The following PSMA5 variants were observed in gnomAD, a reference collection of about 807,000 sequenced individuals.
PSMA5 encodes proteasome 20S subunit alpha 5, also known as proteasome subunit alpha type-5.
A neutral mutation model predicts 34.5 loss-of-function variants in PSMA5; 3 were observed. The ratio of observed to expected loss-of-function variants is 0.09; its 90% confidence interval spans 0.04 to 0.22. The LOEUF (loss-of-function observed/expected upper bound fraction) is 0.22. PSMA5 is among the 10% of genes least tolerant of loss of function. The pLI, the probability that PSMA5 is intolerant of heterozygous loss-of-function variation, is 1.00. For synonymous variants in PSMA5, 88 were observed against 95.8 expected (o/e 0.92, Z 0.47); for missense variants, 120 against 286.1 (o/e 0.42, Z 4.19).
At chr1:109,417,510 G>A (rs777688817) in intron 2 of PSMA5, among the ~76,000 whole-genome samples, 8 of 152,176 alleles carry the variant, frequency 5.3e-5, no homozygotes, top group Non-Finnish European at 1.0e-4. Context: ...CTAGACGACT[G>A]CACCTCCCCC....
At chr1:109,416,973 C>G (rs952306850) in intron 2 of PSMA5, among the ~76,000 whole-genome samples, 3 of 152,072 alleles carry the variant, frequency 2.0e-5, no homozygotes, top group African/African-American at 7.2e-5. Flanking sequence ...GGCTTGGTGG[C>G]GTATGCCTGT....
intron 2 of PSMA5, among the ~76,000 whole-genome samples, chr1:109,419,084 C>T (rs1167151553): frequency 4.6e-5 from 7 of 152,024 alleles, no homozygotes; most frequent in South Asian, 4.2e-4. Context: ...ACACGGGAGG[C>T]GGAGGTTGCA....
intron 4 of PSMA5, chr1:109,412,856 G>A: frequency 2.1e-6 from 1 of 475,418 alleles, no homozygotes; most frequent in Non-Finnish European, 3.7e-6. Context: ...GACACTGTCA[G>A]CACTACTGAC....
At chr1:109,404,582 A>G (rs1479181644) in intron 8 of PSMA5, among the ~76,000 whole-genome samples, 1 of 152,202 alleles carries the variant, frequency 6.6e-6, no homozygotes, top group Admixed American at 6.5e-5. Context: ...TGAGCCAAGG[A>G]CTGCCTTCAG....
chr1:109,408,553 A>G (rs77466621), intron 8 of PSMA5, among the ~76,000 whole-genome samples: 4,091 of 152,332 alleles, frequency 0.027, 180 homozygotes, highest in African/African-American at 0.093. Flanking sequence ...GGCATCTAGC[A>G]TAATACCTGC....
At chr1:109,411,237 G>C (rs940548483) in intron 6 of PSMA5, 124 bp from the exon 7 acceptor site, 1 of 639,932 alleles carries the variant, frequency 1.6e-6, no homozygotes, top group East Asian at 2.8e-5. Flanking sequence ...CTGAAATATT[G>C]AGGCACAGAT....
chr1:109,417,733 T>C (rs1654273517), intron 2 of PSMA5, among the ~76,000 whole-genome samples: 1 of 152,162 alleles, frequency 6.6e-6, no homozygotes, highest in Admixed American at 6.5e-5. Flanking sequence ...CGGAATGAAA[T>C]GAGAAGAGGC....
chr1:109,418,208 T>C (rs1654293128), intron 2 of PSMA5, among the ~76,000 whole-genome samples: 1 of 152,154 alleles, frequency 6.6e-6, no homozygotes, highest in Non-Finnish European at 1.5e-5. Flanking sequence ...AGTGACATTC[T>C]GTCTCAAAAG....
chr1:109,400,234 G>C lies in PSMA5; in HGVS notation c.*1779C>G, dbSNP rs1338376556. The C allele has an allele frequency of 4.6e-5, 7 of 152,192 alleles. No homozygotes were observed. Among genetic ancestry groups the C allele is most frequent in the Non-Finnish European group, 1.0e-4 (7 of 68,044 alleles). 9.4% of individuals were successfully genotyped at this position (152,192 alleles called of 1,614,324 possible). ...TTGGGCATTTTTCCCCCTATGAAAT[G>C]CATGTGATTCAGAGACACAACTCAC... is the stretch of plus-strand genomic sequence containing the variant. On this transcript the variant is annotated 3_prime_UTR_variant, in exon 9 of 9. Coordinates refer to ENST00000271308, the MANE Select transcript of PSMA5 (RefSeq NM_002790.4).
Position 109,412,198 on chromosome 1 carries a change from A to C in PSMA5, c.292-14T>G. ...GAACCAGTGGTTCTAGAAGAAGAGCAAAGCATGGTACAACCTTCTAATAAG... is the reference window on the plus strand; with the variant it reads ...GAACCAGTGGTTCTAGAAGAAGAGCCAAGCATGGTACAACCTTCTAATAAG... On this transcript the variant is annotated splice_polypyrimidine_tract_variant and intron_variant, in intron 4 of 8. Transcript: ENST00000271308. 6.3e-7 allele frequency: 1 copy of C among 1,596,260 alleles called. No homozygotes were observed. Among genetic ancestry groups the C allele is most frequent in the Non-Finnish European group, 8.6e-7 (1 of 1,163,716 alleles).
Position 109,413,148 on chromosome 1 carries a change from A to C in PSMA5, c.224-13T>G. 1.2e-6 allele frequency: 2 copies of C among 1,612,656 alleles called. No individual in the cohort carries two copies. Among genetic ancestry groups the C allele is most frequent in the Non-Finnish European group, 1.7e-6 (2 of 1,178,750 alleles). Reference sequence around the variant, plus strand: ...CTCATGGCACAACCTGCAATGTAAAAGCGACAGTGACCCAGTGGCCAAATC... The same window carrying C: ...CTCATGGCACAACCTGCAATGTAAACGCGACAGTGACCCAGTGGCCAAATC... On this transcript the variant is annotated splice_polypyrimidine_tract_variant and intron_variant, in intron 3 of 8. Transcript: ENST00000271308.
chr1:109,425,620 CAG>C (rs1345214112), intron 1 of PSMA5: 1 of 152,160 alleles, frequency 6.6e-6, no homozygotes, highest in East Asian at 1.9e-4. Flanking sequence ...CTGACGAAAA[CAG>C]AAACTGAAAG....
rs149918181 is a variant in PSMA5, at chr1:109,423,193, C to T, written c.30-1267G>A. 9.1e-3 allele frequency among the ~76,000 whole-genome samples: 1,383 copies of T among 152,234 alleles called. 28 individuals carry two copies. The highest frequency in any genetic ancestry group is 0.032 in the African/African-American group (1,320 of 41,506). On this transcript the variant is annotated intron_variant, in intron 1 of 8. Coordinates refer to ENST00000271308, the MANE Select transcript of PSMA5 (RefSeq NM_002790.4). Reference sequence around the variant, plus strand: ...GTGGCTCACGCCTGTAATCCCAGCACGTTGGGAGGATGAGGCAGGCGGATC... The same window carrying T: ...GTGGCTCACGCCTGTAATCCCAGCATGTTGGGAGGATGAGGCAGGCGGATC...
intron 3 of PSMA5, among the ~76,000 whole-genome samples, chr1:109,414,175 G>A (rs1014229256): frequency 2.0e-4 from 31 of 152,250 alleles, no homozygotes; most frequent in Non-Finnish European, 3.8e-4. Flanking sequence ...CACCACGATG[G>A]CTTCAGTCAT....
chr1:109,407,973 T>G (rs762349231), intron 8 of PSMA5, among the ~76,000 whole-genome samples: 16 of 152,126 alleles, frequency 1.1e-4, no homozygotes, highest in Non-Finnish European at 1.9e-4. Context: ...CTCTTCCCTG[T>G]CTTCTCATAA....
At chr1:109,405,481 G>A (rs1031777171) in intron 8 of PSMA5, among the ~76,000 whole-genome samples, 5 of 120,152 alleles carry the variant, frequency 4.2e-5, no homozygotes, top group Admixed American at 2.3e-4. Flanking sequence ...ACAGAGTCTC[G>A]CTCTGGAGTG....
At chr1:109,407,957 C>T (rs974201099) in intron 8 of PSMA5, among the ~76,000 whole-genome samples, 1 of 152,060 alleles carries the variant, frequency 6.6e-6, no homozygotes, top group Non-Finnish European at 1.5e-5. Context: ...CCCAGCAATC[C>T]TTTTACTCTT....
At chr1:109,418,944 C>A (rs1380691536) in intron 2 of PSMA5, among the ~76,000 whole-genome samples, 1 of 152,120 alleles carries the variant, frequency 6.6e-6, no homozygotes, top group Non-Finnish European at 1.5e-5. Flanking sequence ...CACCTGAGGT[C>A]AGGAGCTCAA....
At chr1:109,407,056 C>T (rs1238439690) in intron 8 of PSMA5, among the ~76,000 whole-genome samples, 1 of 152,144 alleles carries the variant, frequency 6.6e-6, no homozygotes, top group Non-Finnish European at 1.5e-5. Context: ...GGCATGATCT[C>T]GGCTCACTGC....
Sources: gnomAD v4.1 joint callset for allele counts (sites outside exome capture counted in the v4.1 genomes callset) on GRCh38, gnomAD v4.1.1 for gene constraint, MANE v1.5 for transcripts, NCBI Gene and HGNC (gene_info 2026-07-23, HGNC 2026-07-21) for gene names.